Variants in ZBTB20 observed in about 807,000 individuals in gnomAD.
The protein encoded by ZBTB20 is zinc finger and BTB domain-containing protein 20.
In ZBTB20, 9 loss-of-function variants were observed where a neutral mutation model predicts 56.9. The observed-to-expected ratio is 0.16, with a 90% CI of 0.10 to 0.28. The LOEUF is 0.28. ZBTB20 is among the 10% of genes least tolerant of loss of function. ZBTB20 has a pLI of 1.00. For missense variants in ZBTB20, 655 were observed against 1,003.0 expected (o/e 0.65, Z 4.69); for synonymous variants, 417 against 420.7 (o/e 0.99, Z 0.11).
intron 4 of ZBTB20, among the ~76,000 whole-genome samples, chr3:114,802,703 A>G (rs1447202324): frequency 6.6e-6 from 1 of 151,964 alleles, no homozygotes; most frequent in Non-Finnish European, 1.5e-5. Flanking sequence ...GAGATATAAT[A>G]TAAATATATT....
At chr3:114,560,370 G>A (rs900219915) in intron 6 of ZBTB20, among the ~76,000 whole-genome samples, 1 of 152,274 alleles carries the variant, frequency 6.6e-6, no homozygotes, top group South Asian at 2.1e-4. Flanking sequence ...TGCTTATTAT[G>A]TACCAGGTCC....
At chr3:114,843,716 G>A (rs111632780) in intron 4 of ZBTB20, among the ~76,000 whole-genome samples, 1,754 of 151,690 alleles carry the variant, frequency 0.012, 36 homozygotes, top group African/African-American at 0.04. Flanking sequence ...TCACTCTGTC[G>A]CCCAGGCTGG....
intron 2 of ZBTB20, among the ~76,000 whole-genome samples, chr3:115,054,387 G>T (rs1472776976): frequency 1.3e-5 from 2 of 152,058 alleles, no homozygotes; most frequent in African/African-American, 4.8e-5. Flanking sequence ...TAGCAAGTTT[G>T]TAAGTTTCAC....
intron 6 of ZBTB20, among the ~76,000 whole-genome samples, chr3:114,527,561 C>G (rs2047372487): frequency 6.6e-6 from 1 of 152,112 alleles, no homozygotes; most frequent in Non-Finnish European, 1.5e-5. Flanking sequence ...CAATACTGAG[C>G]CATAATCTCA....
At chr3:114,784,381 G>A (rs897028756) in intron 5 of ZBTB20, among the ~76,000 whole-genome samples, 5 of 152,160 alleles carry the variant, frequency 3.3e-5, no homozygotes, top group African/African-American at 1.2e-4. Context: ...ACAGAAAAGA[G>A]TGAACAGAAA....
intron 4 of ZBTB20, among the ~76,000 whole-genome samples, chr3:114,898,751 G>A (rs897809840): frequency 1.3e-4 from 19 of 151,954 alleles, no homozygotes; most frequent in African/African-American, 4.3e-4. Flanking sequence ...ATACAAAAAA[G>A]GATTCCAAAT....
chr3:114,723,327 T>C (rs939842492), intron 5 of ZBTB20, among the ~76,000 whole-genome samples: 2 of 152,222 alleles, frequency 1.3e-5, no homozygotes, highest in African/African-American at 4.8e-5. Flanking sequence ...TAATGGCTTC[T>C]AATTTTGTGA....
intron 1 of ZBTB20, among the ~76,000 whole-genome samples, chr3:115,097,285 T>C (rs2083413865): frequency 6.6e-6 from 1 of 152,000 alleles, no homozygotes; most frequent in African/African-American, 2.4e-5. Flanking sequence ...TTCAAGGGAT[T>C]CTCCTGCCTC....
chr3:115,006,931 T>C (rs1478217082), intron 2 of ZBTB20, among the ~76,000 whole-genome samples: 1 of 151,888 alleles, frequency 6.6e-6, no homozygotes, highest in Non-Finnish European at 1.5e-5. Flanking sequence ...TGTTTCTTTT[T>C]ATTAAAAAAA....
chr3:115,058,124 G>T (rs1025322249), intron 2 of ZBTB20, among the ~76,000 whole-genome samples: 2 of 151,932 alleles, frequency 1.3e-5, no homozygotes, highest in African/African-American at 4.8e-5. Flanking sequence ...CTCCCACCGG[G>T]TCCCTCCCAC....
chr3:114,751,427 T>G (rs1352009951), intron 5 of ZBTB20, among the ~76,000 whole-genome samples: 1 of 152,172 alleles, frequency 6.6e-6, no homozygotes, highest in Non-Finnish European at 1.5e-5. Flanking sequence ...TGGATTGACG[T>G]ATGCTTTTTC....
At chr3:115,039,601 T>A (rs2081061939) in intron 2 of ZBTB20, among the ~76,000 whole-genome samples, 1 of 151,956 alleles carries the variant, frequency 6.6e-6, no homozygotes, top group Admixed American at 6.6e-5. Context: ...AATTAAAATA[T>A]TTAATAATGC....
chr3:114,882,735 A>T (rs1417723419), intron 4 of ZBTB20, among the ~76,000 whole-genome samples: 1 of 152,088 alleles, frequency 6.6e-6, no homozygotes, highest in African/African-American at 2.4e-5. Context: ...TCTGTTTTTA[A>T]ATTAAAGGTA....
chr3:114,852,006 T>C (rs1393001087), intron 4 of ZBTB20, among the ~76,000 whole-genome samples: 2 of 152,134 alleles, frequency 1.3e-5, no homozygotes, highest in African/African-American at 4.8e-5. Flanking sequence ...CTTTTTCATA[T>C]CATGTAAAAA....
At chr3:114,758,588 G>T (rs2108684588) in intron 5 of ZBTB20, among the ~76,000 whole-genome samples, 1 of 152,222 alleles carries the variant, frequency 6.6e-6, no homozygotes, top group South Asian at 2.1e-4. Flanking sequence ...TTTAAATCAA[G>T]TGATAATTTT....
intron 11 of ZBTB20, among the ~76,000 whole-genome samples, chr3:114,349,455 C>T (rs2080464637): frequency 1.3e-5 from 2 of 152,134 alleles, no homozygotes; most frequent in Non-Finnish European, 2.9e-5. Flanking sequence ...TGATCTTGCC[C>T]ATCTTGATGA....
rs560979786 is a variant in ZBTB20 at position 114,726,710 on chromosome 3, T to A, written c.-342-33135A>T. ...GGCGGATCACGAGGTCAGGAAATCA[T>A]GATCATCCTGGCTAACATGGTGAAA... is the stretch of plus-strand genomic sequence containing the variant. On this transcript the variant is annotated intron_variant, in intron 5 of 11. Transcript: ENST00000675478. 7.2e-5 allele frequency among the ~76,000 whole-genome samples: 11 copies of A among 151,752 alleles called. No individual in the cohort carries two copies. In the South Asian group the frequency reaches 1.5e-3, roughly 20 times the overall value.
chr3:114,830,503 A>C (rs2073783843), intron 4 of ZBTB20, among the ~76,000 whole-genome samples: 1 of 151,674 alleles, frequency 6.6e-6, no homozygotes, highest in Non-Finnish European at 1.5e-5. Flanking sequence ...TTTTTGAAAA[A>C]TTAATGAGTC....
chr3:114,940,991 CCA>C (rs1560421074), intron 3 of ZBTB20, among the ~76,000 whole-genome samples: 1 of 145,890 alleles, frequency 6.9e-6, no homozygotes, highest in African/African-American at 2.8e-5. Context: ...CTCCTAAAAT[CCA>C]CAGAGCGAAT....
Sources: allele counts gnomAD v4.1 joint callset (sites outside exome capture counted in the v4.1 genomes callset), GRCh38; gene constraint gnomAD v4.1.1; transcripts MANE v1.5; gene names NCBI Gene and HGNC (gene_info 2026-07-23, HGNC 2026-07-21).